The following RIMS2 variants were observed in gnomAD, a reference collection of about 807,000 sequenced individuals.
RIMS2 encodes regulating synaptic membrane exocytosis 2.
RIMS2 carries 59 observed loss-of-function variants against 174.4 expected under a neutral mutation model. That is an observed-to-expected ratio of 0.34 (90% CI 0.27 to 0.42). The LOEUF is 0.42. RIMS2 is among the 10% of genes least tolerant of loss of function. RIMS2 has a pLI of 1.00. For synonymous variants in RIMS2, 606 were observed against 572.5 expected, an observed-to-expected ratio of 1.06 and a Z score of -0.84; for missense variants, 1,620 against 1,666.3, an observed-to-expected ratio of 0.97 and a Z score of 0.48.
At chr8:103,532,063 C>T (rs377541209) in intron 1 of RIMS2, among the ~76,000 whole-genome samples, 1 of 152,106 alleles carries the variant, frequency 6.6e-6, no homozygotes, top group East Asian at 1.9e-4. Context: ...TCTAATTCTC[C>T]CTGATTAAGT....
chr8:103,936,128 A>G (rs2081197962), intron 12 of RIMS2, among the ~76,000 whole-genome samples: 1 of 152,218 alleles, frequency 6.6e-6, no homozygotes, highest in African/African-American at 2.4e-5. Flanking sequence ...TGTGAATATC[A>G]CAATTTACTC....
At chr8:103,578,179 A>G (rs907020051) in intron 1 of RIMS2, among the ~76,000 whole-genome samples, 2 of 152,222 alleles carry the variant, frequency 1.3e-5, no homozygotes, top group African/African-American at 4.8e-5. Flanking sequence ...CACATAATCA[A>G]ATTCTCAAAG....
intron 19 of RIMS2, among the ~76,000 whole-genome samples, chr8:104,064,466 A>G (rs756483982): frequency 9.2e-5 from 14 of 152,070 alleles, no homozygotes; most frequent in Non-Finnish European, 1.9e-4. Context: ...TGTGTAATTT[A>G]AGGAAGGGGA....
intron 3 of RIMS2, among the ~76,000 whole-genome samples, chr8:103,871,191 C>G (rs1434520982): frequency 6.6e-6 from 1 of 152,092 alleles, no homozygotes; most frequent in Non-Finnish European, 1.5e-5. Context: ...GATGGATCAC[C>G]TGAGGTCAAG....
chr8:104,109,180 C>G (rs1448832861), intron 19 of RIMS2, among the ~76,000 whole-genome samples: 1 of 151,218 alleles, frequency 6.6e-6, no homozygotes, highest in African/African-American at 2.4e-5. Context: ...ACCTGTAGAC[C>G]CAGCTACTCC....
At chr8:103,705,561 A>G (rs371844605) in intron 2 of RIMS2, among the ~76,000 whole-genome samples, 5 of 151,976 alleles carry the variant, frequency 3.3e-5, no homozygotes, top group African/African-American at 7.2e-5. Context: ...ATATTCACCA[A>G]TGTTATCGTA....
exon 3 of RIMS2, chr8:103,766,477 A>C (rs1019433345): frequency 6.2e-7 from 1 of 1,613,938 alleles, no homozygotes; most frequent in Non-Finnish European, 8.5e-7. Context: ...ACAAGACAGC[A>C]TTCTATTAAA....
chr8:103,921,792 G>C lies in RIMS2; in HGVS notation c.2196+8G>C, dbSNP rs2077714820. The C allele has an allele frequency of 9.7e-7, 1 of 1,031,692 alleles. No individual in the cohort carries two copies. 63.9% of individuals were successfully genotyped at this position (1,031,692 alleles called of 1,614,324 possible). On this transcript the variant is annotated splice_region_variant and intron_variant, in intron 10 of 23. Transcript: ENST00000504942. ...TTATCAGGACAACTTTCAGTATGTA[G>C]TCATTACGTTTACTCTTCTTTTTGG...
intron 1 of RIMS2, chr8:103,559,302 A>T (rs758240212): frequency 9.4e-5 from 19 of 201,546 alleles, no homozygotes; most frequent in Non-Finnish European, 1.7e-4. Context: ...ATTAGCAGGG[A>T]CATCTCTTCC....
Position 103,587,409 on chromosome 8 carries a change from GAAGAAAGAAAGAAAGAAAGAAAGA to G in RIMS2, c.176+86386_176+86409del, listed in dbSNP as rs201019003. ...CCAAAGACACATCAGGAAGAAAAAA[GAAGAAAGAAAGAAAGAAAGAAAGA>G]AAGAAAGAAAGAAAGAAAGAAAGAA... is the stretch of plus-strand genomic sequence containing the variant. On this transcript the variant is annotated intron_variant, in intron 1 of 23. Transcript: ENST00000504942. 1.7e-3 allele frequency among the ~76,000 whole-genome samples: 197 copies of G among 117,148 alleles called. 1 individual carries two copies. The highest frequency in any genetic ancestry group is 4.7e-3 in the African/African-American group (150 of 31,670). 76.9% of individuals were successfully genotyped at this position (117,148 alleles called of 152,430 possible). A position where few individuals can be genotyped will look rare whatever the true frequency, so the allele number is the denominator to read the frequency against.
chr8:104,007,856 A>G (rs1052675121), intron 17 of RIMS2, among the ~76,000 whole-genome samples: 3 of 152,140 alleles, frequency 2.0e-5, no homozygotes, highest in Non-Finnish European at 4.4e-5. Context: ...AACAACCTTC[A>G]GACTGCTACA....
intron 1 of RIMS2, among the ~76,000 whole-genome samples, chr8:103,603,520 G>T (rs1468611091): frequency 6.6e-6 from 1 of 151,998 alleles, no homozygotes; most frequent in African/African-American, 2.4e-5. Flanking sequence ...CCCAGTAATG[G>T]GATGGCTGGG....
intron 3 of RIMS2, among the ~76,000 whole-genome samples, chr8:103,884,741 G>A (rs1210898551): frequency 6.6e-6 from 1 of 151,924 alleles, no homozygotes; most frequent in Non-Finnish European, 1.5e-5. Context: ...AAAAGGGTTG[G>A]AGACATGATG....
At chr8:104,116,947 A>G (rs1199966969) in intron 19 of RIMS2, among the ~76,000 whole-genome samples, 1 of 151,994 alleles carries the variant, frequency 6.6e-6, no homozygotes. Context: ...ACACTGAGTA[A>G]CATCAATAAC....
At chr8:103,711,884 G>A (rs1042953982) in intron 2 of RIMS2, among the ~76,000 whole-genome samples, 2 of 142,350 alleles carry the variant, frequency 1.4e-5, no homozygotes, top group African/African-American at 5.4e-5. Context: ...CAACAGAGCC[G>A]GACCCCATCT....
At chr8:104,055,489 T>G (rs1186180275) in intron 19 of RIMS2, among the ~76,000 whole-genome samples, 1 of 152,166 alleles carries the variant, frequency 6.6e-6, no homozygotes, top group Non-Finnish European at 1.5e-5. Flanking sequence ...CACAATGAAT[T>G]TGGCTGATAT....
intron 19 of RIMS2, among the ~76,000 whole-genome samples, chr8:104,113,315 G>C (rs1240268784): frequency 6.6e-6 from 1 of 152,060 alleles, no homozygotes; most frequent in Non-Finnish European, 1.5e-5. Context: ...ATCACTAATA[G>C]TTGATTGTCC....
chr8:103,667,404 CTG>C (rs2096684382), intron 1 of RIMS2, among the ~76,000 whole-genome samples: 1 of 152,162 alleles, frequency 6.6e-6, no homozygotes, highest in Non-Finnish European at 1.5e-5. Flanking sequence ...TTACTCCAAA[CTG>C]TGTAAAAAGA....
At chr8:103,536,988 C>T (rs890051212) in intron 1 of RIMS2, among the ~76,000 whole-genome samples, 6 of 152,224 alleles carry the variant, frequency 3.9e-5, no homozygotes, top group African/African-American at 1.4e-4. Context: ...AATTAATTCT[C>T]TGATCTATTC....
Sources: gnomAD v4.1 joint callset for allele counts (sites outside exome capture counted in the v4.1 genomes callset) on GRCh38, gnomAD v4.1.1 for gene constraint, MANE v1.5 for transcripts, NCBI Gene and HGNC (gene_info 2026-07-23, HGNC 2026-07-21) for gene names.